Variants in RETREG3 observed in about 807,000 individuals in gnomAD.
RETREG3 encodes the protein reticulophagy regulator 3.
A neutral mutation model predicts 50.2 loss-of-function variants in RETREG3; 23 were observed. The ratio of observed to expected loss-of-function variants is 0.46; its 90% CI spans 0.33 to 0.65. RETREG3 has a LOEUF of 0.65. RETREG3 is among the 30% of genes least tolerant of loss of function. The pLI, the probability that RETREG3 is intolerant of heterozygous loss-of-function variation, is 0.02. For synonymous variants in RETREG3, 240 were observed against 234.4 expected, an observed-to-expected ratio of 1.02 and a Z score of -0.22; for missense variants, 546 against 598.0, an observed-to-expected ratio of 0.91 and a Z score of 0.91.
At position 42,581,194 on chromosome 17, in the gene RETREG3, T is replaced by G. The variant is rs928488932; in HGVS notation, c.*619A>C. 1 of 151,912 alleles carries G rather than the reference T, an allele frequency of 6.6e-6. No homozygotes were observed. Among genetic ancestry groups the G allele is most frequent in the African/African-American group, 2.4e-5 (1 of 41,328 alleles). 9.4% of individuals were successfully genotyped at this position (151,912 alleles called of 1,614,324 possible). Reference sequence around the variant, plus strand: ...CCTGGCCAACATGGTGAAACCCCATTTCTACTAAAAATACCAAAAGAAAAA... The same window carrying G: ...CCTGGCCAACATGGTGAAACCCCATGTCTACTAAAAATACCAAAAGAAAAA... On this transcript the variant is annotated 3_prime_UTR_variant, in exon 9 of 9. Coordinates refer to ENST00000309428, the MANE Select transcript of RETREG3 (RefSeq NM_178126.4).
At position 42,581,953 on chromosome 17, in the gene RETREG3, C is replaced by G. The variant is rs747285580; in HGVS notation, c.1261G>C (p.Ala421Pro). ...SGASQPGPSGAPAQRATRGFL... is the reference protein window; with the variant it reads ...SGASQPGPSGPPAQRATRGFL... Reference sequence around the variant, plus strand: ...CCTCTCGTTGCTCTCTGGGCAGGTGCTCCAGAAGGGCCTGGTTGGGAGGCC... The same window carrying G: ...CCTCTCGTTGCTCTCTGGGCAGGTGGTCCAGAAGGGCCTGGTTGGGAGGCC... The change falls in exon 9 of 9, where the codon GCA becomes CCA. Residue 421 changes from alanine to proline, a missense_variant. Ala to Pro is a conservative substitution (Grantham distance 27). Coordinates refer to ENST00000309428, the MANE Select transcript of RETREG3 (RefSeq NM_178126.4). 6.2e-6 allele frequency: 10 copies of G among 1,613,994 alleles called. No homozygotes were observed. In the Admixed American group the frequency reaches 1.0e-4, roughly 16 times the overall value.
At chr17:42,600,707 A>G (rs1034100117) in intron 1 of RETREG3, among the ~76,000 whole-genome samples, 1 of 152,202 alleles carries the variant, frequency 6.6e-6, no homozygotes, top group African/African-American at 2.4e-5. Context: ...ATAATAAAAT[A>G]TTTTTAAAAT....
At chr17:42,603,760 G>A (rs546734089) in intron 1 of RETREG3, among the ~76,000 whole-genome samples, 1 of 152,092 alleles carries the variant, frequency 6.6e-6, no homozygotes, top group Non-Finnish European at 1.5e-5. Context: ...GGCGGATCAC[G>A]AGGTCAGGAG....
chr17:42,591,548 C>T (rs1052437249), intron 2 of RETREG3, among the ~76,000 whole-genome samples: 9 of 152,044 alleles, frequency 5.9e-5, no homozygotes, highest in Non-Finnish European at 1.0e-4. Flanking sequence ...TCATGTTGGC[C>T]AGGCTGGGCT....
intron 8 of RETREG3, 45 bp downstream of exon 8, chr17:42,582,629 C>T (rs757622739): frequency 6.2e-7 from 1 of 1,610,596 alleles, no homozygotes; most frequent in South Asian, 1.1e-5. Flanking sequence ...AGCTAAGAGG[C>T]AACAGTCAGA....
intron 2 of RETREG3, among the ~76,000 whole-genome samples, chr17:42,589,368 G>A (rs952135020): frequency 2.6e-5 from 4 of 152,186 alleles, no homozygotes; most frequent in African/African-American, 9.7e-5. Context: ...CCTGCTAAGT[G>A]TAATGCCATT....
At chr17:42,600,632 A>G (rs1232608854) in intron 1 of RETREG3, among the ~76,000 whole-genome samples, 1 of 152,212 alleles carries the variant, frequency 6.6e-6, no homozygotes, top group East Asian at 1.9e-4. Context: ...ATTGAAAAAA[A>G]TAATATTATG....
At chr17:42,596,707 T>G (rs533804878) in intron 1 of RETREG3, 2 of 152,228 alleles carry the variant, frequency 1.3e-5, no homozygotes, top group South Asian at 4.1e-4. Context: ...TATTTAGGAA[T>G]TTTGTGTTGA....
At chr17:42,591,859 T>C (rs1393123424) in intron 2 of RETREG3, among the ~76,000 whole-genome samples, 197 bp downstream of exon 2, 1 of 152,134 alleles carries the variant, frequency 6.6e-6, no homozygotes, top group Non-Finnish European at 1.5e-5. Context: ...TTAGTAACAA[T>C]GGGAAGGGCA....
intron 1 of RETREG3, among the ~76,000 whole-genome samples, chr17:42,594,262 G>A (rs576619375): frequency 9.2e-5 from 14 of 152,260 alleles, no homozygotes; most frequent in African/African-American, 3.1e-4. Flanking sequence ...GCATTTCACA[G>A]TATTCCGAAA....
intron 7 of RETREG3, 40 bp downstream of exon 7, chr17:42,583,458 A>G: frequency 6.2e-7 from 1 of 1,601,880 alleles, no homozygotes. Flanking sequence ...AGGTAGCTAA[A>G]GAAAACTGGA....
At chr17:42,583,450 G>A (rs2093114328) in intron 7 of RETREG3, 48 bp downstream of exon 7, 1 of 1,582,322 alleles carries the variant, frequency 6.3e-7, no homozygotes, top group Non-Finnish European at 8.7e-7. Flanking sequence ...TGGTTAAAAG[G>A]TAGCTAAAGA....
In RETREG3 at chr17:42,593,643, G is replaced by A. The variant is rs113514577; in HGVS notation, c.240-1481C>T. Among the ~76,000 whole-genome samples, 812 of 112,426 alleles carry A rather than the reference G, an allele frequency of 7.2e-3. 2 individuals carry two copies. Among genetic ancestry groups the A allele is most frequent in the Non-Finnish European group, 0.011 (593 of 56,358 alleles). 73.8% of individuals were successfully genotyped at this position (112,426 alleles called of 152,430 possible). Reference sequence around the variant, plus strand: ...AGCCTGGGCGACAGAGCAAGACTCCGTCTCAAAAAAAAAAAAAAAAAAAAA... The same window carrying A: ...AGCCTGGGCGACAGAGCAAGACTCCATCTCAAAAAAAAAAAAAAAAAAAAA... On this transcript the variant is annotated intron_variant, in intron 1 of 8. Coordinates refer to ENST00000309428, the MANE Select transcript of RETREG3 (RefSeq NM_178126.4).
chr17:42,599,862 C>A (rs1403945353), intron 1 of RETREG3, among the ~76,000 whole-genome samples: 1 of 151,592 alleles, frequency 6.6e-6, no homozygotes, highest in Non-Finnish European at 1.5e-5. Flanking sequence ...GGCATAGTGG[C>A]GGGCACCTGT....
chr17:42,607,689 C>T (rs1291075098), intron 1 of RETREG3, among the ~76,000 whole-genome samples: 1 of 151,408 alleles, frequency 6.6e-6, no homozygotes, highest in African/African-American at 2.4e-5. Context: ...GCCTGTAATC[C>T]CAGCTACTTG....
intron 4 of RETREG3, 36 bp from the exon 5 acceptor site, chr17:42,586,173 C>T (rs759469363): frequency 2.5e-6 from 4 of 1,604,554 alleles, no homozygotes; most frequent in Non-Finnish European, 3.4e-6. Flanking sequence ...GTTTCTGTCA[C>T]ATGGCAGGGG....
chr17:42,596,068 G>A (rs939062220), intron 1 of RETREG3, among the ~76,000 whole-genome samples: 1 of 151,592 alleles, frequency 6.6e-6, no homozygotes, highest in African/African-American at 2.4e-5. Context: ...GCTCATTATC[G>A]TTGCCGAAAA....
rs201241237 is a variant in RETREG3, at chr17:42,586,993, G to A, written c.378-102C>T. 5.0e-5 allele frequency: 74 copies of A among 1,493,890 alleles called. No individual in the cohort carries two copies. The East Asian group carries it at 1.6e-3, about 33-fold the overall frequency. 92.5% of individuals were successfully genotyped at this position (1,493,890 alleles called of 1,614,324 possible). ...CTTCCGGTTTTAAATGGGGTTTGGGGAGTGACTAGGCCCAGGTGCTTTGGA... is the reference window on the plus strand; with the variant it reads ...CTTCCGGTTTTAAATGGGGTTTGGGAAGTGACTAGGCCCAGGTGCTTTGGA... On this transcript the variant is annotated intron_variant, in intron 3 of 8. Transcript: ENST00000309428.
Position 42,581,902 on chromosome 17 carries a change from G to A in RETREG3, c.1312C>T (p.Leu438=). The change falls in exon 9 of 9, where the codon CTG becomes TTG. Residue 438 remains leucine, a synonymous_variant. Coordinates refer to ENST00000309428, the MANE Select transcript of RETREG3 (RefSeq NM_178126.4). ...TCATCCCCCTCAGCATCAGTGTCCA[G>A]GTCTGAACTGGGGGACCGGAGGAAG... is the stretch of plus-strand genomic sequence containing the variant. ...RGFLRSPSSD[L]DTDAEGDDFE... 6.2e-7 allele frequency: 1 copy of A among 1,614,180 alleles called. No homozygotes were observed. The highest frequency in any genetic ancestry group is 1.1e-5 in the South Asian group (1 of 91,080).
Sources: allele counts gnomAD v4.1 joint callset (sites outside exome capture counted in the v4.1 genomes callset), GRCh38; gene constraint gnomAD v4.1.1; transcripts MANE v1.5; gene names NCBI Gene and HGNC (gene_info 2026-07-23, HGNC 2026-07-21).